The following ADGRA3 variants were observed in gnomAD, a reference collection of about 807,000 sequenced individuals.
ADGRA3 encodes adhesion G protein-coupled receptor A3.
Under a neutral mutation model 119.8 loss-of-function variants are expected in ADGRA3, and 56 were observed. The observed-to-expected ratio is 0.47, with a 90% CI of 0.38 to 0.58. The LOEUF (loss-of-function observed/expected upper bound fraction) is 0.58, where lower values mean the gene tolerates loss of function less well. ADGRA3 is among the 20% of genes least tolerant of loss of function. The pLI is 0.00. For missense variants in ADGRA3, 1,516 were observed against 1,649.0 expected, an observed-to-expected ratio of 0.92 and a Z score of 1.40; for synonymous variants, 607 against 623.8, an observed-to-expected ratio of 0.97 and a Z score of 0.40.
rs764801806 is a variant in ADGRA3, at chr4:22,438,246, C to A, written c.1085+10G>T. The A allele has an allele frequency of 5.0e-6, 8 of 1,606,162 alleles. No individual in the cohort carries two copies. The highest frequency in any genetic ancestry group is 2.2e-5 in the East Asian group (1 of 44,794). On this transcript the variant is annotated intron_variant, in intron 8 of 18. Coordinates refer to ENST00000334304, the MANE Select transcript of ADGRA3 (RefSeq NM_145290.4). ...ATTAAACTTTTCCCCGTATTTTCCACAACACTGACCTGAAGTCACCTTTGT... is the reference window on the plus strand; with the variant it reads ...ATTAAACTTTTCCCCGTATTTTCCAAAACACTGACCTGAAGTCACCTTTGT...
At position 22,389,140 on chromosome 4, in the gene ADGRA3, T is replaced by C. The variant is rs765947339; in HGVS notation, c.2671A>G (p.Ile891Val). The C allele has an allele frequency of 4.3e-6, 7 of 1,613,954 alleles. No individual in the cohort carries two copies. The African/African-American group carries it at 6.7e-5, about 15-fold the overall frequency. Reference sequence around the variant, plus strand: ...TTCTTAATGTTCGCTGCTGCAGTTATGCCGCAAACAATGATGGGGATACCA... The same window carrying C: ...TTCTTAATGTTCGCTGCTGCAGTTACGCCGCAAACAATGATGGGGATACCA... ...GGGIPIIVCG[I>V]TAAANIKNYG... is the part of the protein sequence containing the mutation. Residue 891 changes from isoleucine (I) to valine (V), a missense_variant, in exon 18 of 19, where the codon ATA (isoleucine) becomes GTA (valine). Physicochemically the swap from Ile to Val is conservative, Grantham distance 29. This residue lies in a region of ADGRA3 where 1,088 missense variants were observed against 1,107.1 expected (regional missense o/e 0.98). Coordinates refer to ENST00000334304, the MANE Select transcript of ADGRA3 (RefSeq NM_145290.4).
chr4:22,482,689 A>G (rs1211613390), intron 1 of ADGRA3, among the ~76,000 whole-genome samples: 1 of 152,166 alleles, frequency 6.6e-6, no homozygotes, highest in African/African-American at 2.4e-5. Flanking sequence ...AAAACCCATG[A>G]TGTAGATATT....
At chr4:22,389,230 A>G (rs758964516) in intron 17 of ADGRA3, 47 bp from the exon 18 acceptor site, 1 of 1,213,662 alleles carries the variant, frequency 8.2e-7, no homozygotes, top group African/African-American at 1.5e-5. Context: ...TCCATTTCTT[A>G]ACATGTATCT....
intron 15 of ADGRA3, 119 bp downstream of exon 15, chr4:22,402,556 A>G: frequency 1.0e-6 from 1 of 987,662 alleles, no homozygotes; most frequent in Admixed American, 2.2e-5. Context: ...TTCTAAAGTC[A>G]TCATCCTTAC....
chr4:22,473,762 GA>G lies in ADGRA3; in HGVS notation c.329+9del, dbSNP rs757711030. ...AAATAATAATGAGATGATAATTAAA[GA>G]ATACTCACAATCTTTCAAGGAGACT... On this transcript the variant is annotated intron_variant, in intron 2 of 18. Coordinates refer to ENST00000334304, the MANE Select transcript of ADGRA3 (RefSeq NM_145290.4). 5.9e-6 allele frequency: 9 copies of G among 1,513,404 alleles called. No individual in the cohort carries two copies. Among genetic ancestry groups the G allele is most frequent in the South Asian group, 4.8e-5 (4 of 83,030 alleles). 93.7% of individuals were successfully genotyped at this position (1,513,404 alleles called of 1,614,324 possible). A position where few individuals can be genotyped will look rare whatever the true frequency, so the allele number is the denominator to read the frequency against.
At chr4:22,453,502 T>C in intron 4 of ADGRA3, among the ~76,000 whole-genome samples, 1 of 152,214 alleles carries the variant, frequency 6.6e-6, no homozygotes, top group East Asian at 1.9e-4. Flanking sequence ...CTTCCCTTAC[T>C]GTATAGATGA....
intron 4 of ADGRA3, among the ~76,000 whole-genome samples, chr4:22,450,516 T>C (rs10007714): frequency 0.1 from 15,709 of 152,238 alleles, 864 homozygotes; most frequent in African/African-American, 0.12. Flanking sequence ...TCCGCTTGCC[T>C]CAGCCTCCAA....
intron 5 of ADGRA3, among the ~76,000 whole-genome samples, chr4:22,445,858 G>A (rs1577353501): frequency 6.6e-6 from 1 of 152,202 alleles, no homozygotes; most frequent in East Asian, 1.9e-4. Context: ...GGTGCAAGAA[G>A]AAGAAAGGAT....
Position 22,495,680 on chromosome 4 carries a change from G to A in ADGRA3, c.257+19848C>T, listed in dbSNP as rs998531874. ...TCCCAGCACTTTGGGAGGCCAGGGC[G>A]GGTGGATGACGAGGTCAGGAGATCG... On this transcript the variant is annotated intron_variant, in intron 1 of 18. Transcript: ENST00000334304. Among the ~76,000 whole-genome samples the A allele has an allele frequency of 1.2e-4, 18 of 151,762 alleles. No homozygotes were observed. In the South Asian group the frequency reaches 1.2e-3, roughly 11 times the overall value.
In ADGRA3 at chr4:22,413,168, A is replaced by G. The variant is rs1344773419; in HGVS notation, c.2232+14T>C. On this transcript the variant is annotated intron_variant, in intron 14 of 18. Transcript: ENST00000334304. The stretch of plus-strand genomic sequence containing the variant: ...TAGAATAGTGTTTATGCATAAAGTT[A>G]ACAACTGCCATACCATTAAAACTGC... The G allele has an allele frequency of 1.3e-6, 2 of 1,584,090 alleles. No homozygotes were observed. Among genetic ancestry groups the G allele is most frequent in the African/African-American group, 1.3e-5 (1 of 74,302 alleles).
chr4:22,444,837 T>C (rs537331430), intron 6 of ADGRA3, 136 bp downstream of exon 6: 8 of 844,860 alleles, frequency 9.5e-6, no homozygotes, highest in Non-Finnish European at 1.5e-5. Context: ...AAACTAAATA[T>C]TATCAAATCC....
rs747575122 is a variant in ADGRA3 at position 22,413,284 on chromosome 4, G to T, written c.2130C>A (p.Asn710Lys). 6 of 1,613,832 alleles carry T rather than the reference G, an allele frequency of 3.7e-6. No individual in the cohort carries two copies. The highest frequency in any genetic ancestry group is 2.7e-5 in the African/African-American group (2 of 74,886). Residue 710 changes from asparagine (N) to lysine (K), a missense_variant, in exon 14 of 19, where the codon AAC (asparagine) becomes AAA (lysine). By Grantham distance (94) the Asn-to-Lys change is moderately conservative (BLOSUM62 0). Coordinates refer to ENST00000334304, the MANE Select transcript of ADGRA3 (RefSeq NM_145290.4). Reference protein sequence around the residue: ...VAARWDFDLLNGQGGWKSDGC... With the variant: ...VAARWDFDLLKGQGGWKSDGC... ...CATCTGACTTCCAGCCTCCTTGTCC[G>T]TTCAGCAAATCGAAATCCCACCGGG...
chr4:22,494,676 T>G (rs1718749721), intron 1 of ADGRA3, among the ~76,000 whole-genome samples: 1 of 151,974 alleles, frequency 6.6e-6, no homozygotes. Context: ...TTTTACATTT[T>G]TTTAGTTCTT....
chr4:22,447,414 A>G (rs1716869688), intron 5 of ADGRA3, 26 bp downstream of exon 5: 2 of 1,360,970 alleles, frequency 1.5e-6, no homozygotes, highest in Non-Finnish European at 2.0e-6. Context: ...TCAAAAAAAA[A>G]AAGAGAGAAA....
chr4:22,414,124 G>T, intron 12 of ADGRA3: 1 of 236,708 alleles, frequency 4.2e-6, no homozygotes, highest in South Asian at 9.2e-5. Flanking sequence ...GCATTAAACA[G>T]ATCAAGGATC....
At position 22,447,470 on chromosome 4, in the gene ADGRA3, G is replaced by A. The variant is rs1459802329; in HGVS notation, c.515C>T (p.Thr172Ile). The change falls in exon 5 of 19, where the codon ACT (threonine) becomes ATT (isoleucine). Residue 172 changes from threonine (T) to isoleucine (I), a missense_variant. By Grantham distance (89) the Thr-to-Ile change is moderately conservative. Transcript: ENST00000334304. Reference sequence around the variant, plus strand: ...CCGTAATGACGCAAGATAATCAAAAGTTCCTTGAGATAATGAAGAAAACAA... The same window carrying A: ...CCGTAATGACGCAAGATAATCAAAAATTCCTTGAGATAATGAAGAAAACAA... ...GNLFSSLSQG[T>I]FDYLASLRSL... The A allele has an allele frequency of 6.3e-7, 1 of 1,576,876 alleles. No homozygotes were observed. Among genetic ancestry groups the A allele is most frequent in the Non-Finnish European group, 8.6e-7 (1 of 1,164,630 alleles).
intron 14 of ADGRA3, among the ~76,000 whole-genome samples, chr4:22,403,233 C>T (rs145099100): frequency 1.8e-4 from 27 of 151,888 alleles, no homozygotes; most frequent in African/African-American, 6.1e-4. Flanking sequence ...CCTAACTATC[C>T]GTAGCCAAGT....
At chr4:22,456,389 G>A (rs1384547919) in intron 3 of ADGRA3, among the ~76,000 whole-genome samples, 1 of 152,134 alleles carries the variant, frequency 6.6e-6, no homozygotes, top group Non-Finnish European at 1.5e-5. Flanking sequence ...CATCCAGTCA[G>A]CTGGGGCCCT....
intron 1 of ADGRA3, among the ~76,000 whole-genome samples, chr4:22,492,652 AGG>A (rs1490908285): frequency 6.6e-6 from 1 of 152,240 alleles, no homozygotes; most frequent in Non-Finnish European, 1.5e-5. Context: ...GAAACAGTGG[AGG>A]TGTAGCTGGG....
Sources: allele counts gnomAD v4.1 joint callset (sites outside exome capture counted in the v4.1 genomes callset), GRCh38; gene constraint gnomAD v4.1.1; regional missense constraint gnomAD v4.1.1; transcripts MANE v1.5; gene names NCBI Gene and HGNC (gene_info 2026-07-23, HGNC 2026-07-21).